Variants in ZNF521 observed in about 807,000 individuals in gnomAD.
The protein encoded by ZNF521 is LYST-interacting protein 3.
In ZNF521, 14 loss-of-function variants were observed where a neutral mutation model predicts 105.5. The observed-to-expected ratio is 0.13, with a 90% CI of 0.09 to 0.21. The LOEUF (loss-of-function observed/expected upper bound fraction) is 0.21, where lower values mean the gene tolerates loss of function less well. ZNF521 is among the 10% of genes least tolerant of loss of function. The pLI, the probability that ZNF521 is intolerant of heterozygous loss-of-function variation, is 1.00. For missense variants in ZNF521, 1,233 were observed against 1,629.7 expected (o/e 0.76, Z 4.19); for synonymous variants, 635 against 606.0 (o/e 1.05, Z -0.70).
chr18:25,277,228 A>G lies in ZNF521; in HGVS notation c.220+44780T>C, dbSNP rs143771456. The stretch of plus-strand genomic sequence containing the variant: ...TCTATTACATCAGAATGTCTGAAAA[A>G]GGGAATATAAGCATTATATATTTAT... On this transcript the variant is annotated intron_variant, in intron 3 of 7. Coordinates refer to ENST00000361524, the MANE Select transcript of ZNF521 (RefSeq NM_015461.3). Among the ~76,000 whole-genome samples the G allele has an allele frequency of 5.3e-5, 8 of 152,228 alleles. No individual in the cohort carries two copies. The East Asian group carries it at 1.5e-3, about 29-fold the overall frequency.
At chr18:25,280,938 C>T (rs909833363) in intron 3 of ZNF521, among the ~76,000 whole-genome samples, 1 of 152,164 alleles carries the variant, frequency 6.6e-6, no homozygotes, top group Non-Finnish European at 1.5e-5. Context: ...GTCTCACTCT[C>T]TCTCTCACCC....
intron 3 of ZNF521, among the ~76,000 whole-genome samples, chr18:25,268,504 GA>G (rs1486141190): frequency 6.6e-5 from 10 of 152,130 alleles, no homozygotes; most frequent in Admixed American, 6.5e-4. Flanking sequence ...TGAAATGAAG[GA>G]AAAAATGTTA....
intron 5 of ZNF521, among the ~76,000 whole-genome samples, chr18:25,194,596 A>G (rs2144632923): frequency 6.6e-6 from 1 of 151,890 alleles, no homozygotes; most frequent in African/African-American, 2.4e-5. Flanking sequence ...ATTAAAATCT[A>G]TGGAAAATTT....
intron 4 of ZNF521, among the ~76,000 whole-genome samples, chr18:25,221,185 A>G (rs1284691419): frequency 6.6e-6 from 1 of 152,234 alleles, no homozygotes; most frequent in Non-Finnish European, 1.5e-5. Flanking sequence ...TTCAGAAAGC[A>G]TTAGGCAGAA....
intron 3 of ZNF521, among the ~76,000 whole-genome samples, chr18:25,309,498 T>A (rs1402601861): frequency 1.3e-5 from 2 of 152,204 alleles, no homozygotes; most frequent in Non-Finnish European, 2.9e-5. Flanking sequence ...AACTCAAATA[T>A]GAGCTCTCAC....
intron 7 of ZNF521, among the ~76,000 whole-genome samples, chr18:25,071,373 C>A (rs1196592864): frequency 6.6e-6 from 1 of 152,130 alleles, no homozygotes; most frequent in Non-Finnish European, 1.5e-5. Context: ...CATCCATATA[C>A]CATTGATGAA....
rs1599971064 is a variant in ZNF521 at position 25,076,357 on chromosome 18, C to G, written c.3906+13108G>C. ...GAAGAAAGACCTGTTACAGGGTGCTCAGACCAGGCTGACCGGAGACCAGTT... is the reference window on the plus strand; with the variant it reads ...GAAGAAAGACCTGTTACAGGGTGCTGAGACCAGGCTGACCGGAGACCAGTT... On this transcript the variant is annotated intron_variant, in intron 7 of 7. Transcript: ENST00000361524. Among the ~76,000 whole-genome samples the G allele has an allele frequency of 2.6e-5, 4 of 152,296 alleles. No individual in the cohort carries two copies. The South Asian group carries it at 8.3e-4, about 32-fold the overall frequency.
chr18:25,283,494 G>C (rs1025024900), intron 3 of ZNF521, among the ~76,000 whole-genome samples: 1 of 152,148 alleles, frequency 6.6e-6, no homozygotes, highest in African/African-American at 2.4e-5. Context: ...ACAGGATTTT[G>C]CTGTATCAGC....
At chr18:25,351,977 T>C in intron 1 of ZNF521, 28 bp downstream of exon 1, 1 of 406,580 alleles carries the variant, frequency 2.5e-6, no homozygotes, top group South Asian at 1.8e-5. Flanking sequence ...AGAAGGAGTG[T>C]GCTGTGTGCT....
intron 7 of ZNF521, among the ~76,000 whole-genome samples, chr18:25,086,957 C>T (rs2033637107): frequency 6.6e-6 from 1 of 152,192 alleles, no homozygotes; most frequent in South Asian, 2.1e-4. Flanking sequence ...TAAGGTCAAA[C>T]TATTTTCACA....
chr18:25,103,482 G>C (rs1230217206), intron 5 of ZNF521, among the ~76,000 whole-genome samples: 1 of 152,130 alleles, frequency 6.6e-6, no homozygotes, highest in African/African-American at 2.4e-5. Context: ...AAGAAACCGA[G>C]ACTGCATGCA....
intron 5 of ZNF521, among the ~76,000 whole-genome samples, chr18:25,156,996 C>T (rs1219822898): frequency 5.3e-5 from 8 of 151,970 alleles, no homozygotes; most frequent in African/African-American, 1.5e-4. Flanking sequence ...GCCAGGAGTT[C>T]GAGACCAGCC....
At chr18:25,279,561 G>GTATA (rs1243669827) in intron 3 of ZNF521, among the ~76,000 whole-genome samples, 1 of 152,146 alleles carries the variant, frequency 6.6e-6, no homozygotes, top group African/African-American at 2.4e-5. Context: ...ACACATCCTT[G>GTATA]TATAGCAAAC....
At chr18:25,173,797 G>T (rs916410077) in intron 5 of ZNF521, among the ~76,000 whole-genome samples, 1 of 152,078 alleles carries the variant, frequency 6.6e-6, no homozygotes, top group East Asian at 1.9e-4. Context: ...CTTTAACACA[G>T]AACATCCACT....
intron 5 of ZNF521, among the ~76,000 whole-genome samples, chr18:25,096,688 G>A (rs1315188430): frequency 2.0e-5 from 3 of 152,186 alleles, no homozygotes; most frequent in East Asian, 1.9e-4. Flanking sequence ...TCTGATCAAC[G>A]CTACAGCCAT....
intron 5 of ZNF521, among the ~76,000 whole-genome samples, chr18:25,176,686 A>G (rs937112770): frequency 6.6e-6 from 1 of 152,218 alleles, no homozygotes; most frequent in Non-Finnish European, 1.5e-5. Flanking sequence ...GCAGGCAAAC[A>G]ACTGGCAGCG....
At chr18:25,151,641 C>T (rs2035049854) in intron 5 of ZNF521, among the ~76,000 whole-genome samples, 2 of 152,128 alleles carry the variant, frequency 1.3e-5, no homozygotes, top group Admixed American at 1.3e-4. Context: ...TCCCTCTGCA[C>T]CCCACTCCCT....
chr18:25,339,899 T>G (rs978153327), intron 2 of ZNF521, among the ~76,000 whole-genome samples: 1 of 152,122 alleles, frequency 6.6e-6, no homozygotes, highest in African/African-American at 2.4e-5. Context: ...AACACCGACT[T>G]GAAAATCCAC....
At chr18:25,147,538 G>A (rs1474620557) in intron 5 of ZNF521, among the ~76,000 whole-genome samples, 1 of 152,014 alleles carries the variant, frequency 6.6e-6, no homozygotes, top group Non-Finnish European at 1.5e-5. Context: ...TGGCATTGTG[G>A]GATTACATTA....
Sources: gnomAD v4.1 joint callset for allele counts (sites outside exome capture counted in the v4.1 genomes callset) on GRCh38, gnomAD v4.1.1 for gene constraint, MANE v1.5 for transcripts, NCBI Gene and HGNC (gene_info 2026-07-23, HGNC 2026-07-21) for gene names.